The following LAMA4 variants were observed in gnomAD, a reference collection of about 807,000 sequenced individuals.
The protein encoded by LAMA4 is laminin subunit alpha-4.
LAMA4 carries 127 observed loss-of-function variants against 207.1 expected under a neutral mutation model. The ratio of observed to expected loss-of-function variants is 0.61; its 90% CI spans 0.53 to 0.71. The LOEUF (loss-of-function observed/expected upper bound fraction) is 0.71. Among genes scored for constraint, LAMA4 ranks in the 30% least tolerant of loss-of-function variants. The pLI is 0.00. For synonymous variants in LAMA4, 761 were observed against 816.0 expected (o/e 0.93, Z 1.15); for missense variants, 2,093 against 2,246.5 (o/e 0.93, Z 1.38).
At chr6:112,204,495 T>G (rs1554353523) in intron 4 of LAMA4, among the ~76,000 whole-genome samples, 11 of 150,228 alleles carry the variant, frequency 7.3e-5, no homozygotes. Context: ...AAACAAACAC[T>G]GCAGCTCGAC....
intron 13 of LAMA4, among the ~76,000 whole-genome samples, chr6:112,164,505 G>A (rs1487916995): frequency 2.0e-5 from 3 of 152,084 alleles, no homozygotes; most frequent in East Asian, 3.9e-4. Flanking sequence ...TCAGAGAGTC[G>A]GTGACTTCAT....
chr6:112,165,198 G>A lies in LAMA4; in HGVS notation c.1630C>T (p.Pro544Ser). 3.1e-6 allele frequency: 5 copies of A among 1,612,300 alleles called. No homozygotes were observed. The highest frequency in any genetic ancestry group is 4.2e-6 in the Non-Finnish European group (5 of 1,178,324). Residue 544 changes from proline to serine, a missense_variant, in exon 13 of 39, where the codon CCT (proline) becomes TCT (serine). Around this residue, in one of 3 missense-constraint regions of LAMA4, gnomAD observed 1,704 missense variants for 1,788.4 expected, o/e 0.95. Coordinates refer to ENST00000230538, the MANE Select transcript of LAMA4 (RefSeq NM_001105206.3). The part of the protein sequence containing the change: ...LSTSADSLTT[P>S]RLTLSELDDI... ...TCAAGTTCTGAAAGAGTTAGACGAGGTGTTGTCAGAGAGTCCGCAGATGTG... is the reference window on the plus strand; with the variant it reads ...TCAAGTTCTGAAAGAGTTAGACGAGATGTTGTCAGAGAGTCCGCAGATGTG...
At chr6:112,208,550 A>G (rs1554355261) in intron 3 of LAMA4, among the ~76,000 whole-genome samples, 1 of 152,198 alleles carries the variant, frequency 6.6e-6, no homozygotes, top group African/African-American at 2.4e-5. Context: ...CAAAAGTGAG[A>G]TTCAAATTCA....
intron 1 of LAMA4, 67 bp from the exon 2 acceptor site, chr6:112,254,358 T>TCCCCTGCTCCCCCTCTCTCTCC (rs1787713823): frequency 1.6e-6 from 1 of 606,726 alleles, no homozygotes; most frequent in African/African-American, 1.9e-5. Flanking sequence ...TCTCTCTCTC[T>TCCCCTGCTCCCCCTCTCTCTCC]CCCCTTCTCC....
intron 5 of LAMA4, among the ~76,000 whole-genome samples, chr6:112,193,473 T>TAA (rs3216221): frequency 2.4e-4 from 36 of 150,760 alleles, no homozygotes; most frequent in Middle Eastern, 3.4e-3. Flanking sequence ...AACAGATACA[T>TAA]AAAAAAAAAT....
chr6:112,116,501 G>T (rs913639476), intron 35 of LAMA4, among the ~76,000 whole-genome samples: 1 of 152,190 alleles, frequency 6.6e-6, no homozygotes, highest in African/African-American at 2.4e-5. Flanking sequence ...CAGTCACTGA[G>T]CAAGACAGCT....
intron 2 of LAMA4, chr6:112,219,546 C>T (rs782099158): frequency 2.0e-5 from 3 of 152,052 alleles, no homozygotes; most frequent in African/African-American, 7.2e-5. Flanking sequence ...GTGCCATGGC[C>T]TTTTTAAAAA....
At chr6:112,130,097 A>G (rs1778939573) in intron 29 of LAMA4, 57 bp from the exon 30 acceptor site, 1 of 1,454,806 alleles carries the variant, frequency 6.9e-7, no homozygotes. Flanking sequence ...ACCTTGACCC[A>G]CTCTAGGTTG....
chr6:112,253,975 C>T lies in LAMA4; in HGVS notation c.176G>A (p.Arg59His). The change falls in exon 2 of 39, where the codon CGC becomes CAC. Residue 59 changes from arginine to histidine, a missense_variant. Arg to His is a conservative substitution (Grantham distance 29, BLOSUM62 0). Transcript: ENST00000230538. ...ETSEPRVALG[R>H]LPPAAEKCNA... ...CTGTACCTCGGCCGCAGGCGGCAGG[C>T]GTCCCAGAGCCACGCGGGGTTCGCT... 6.3e-7 allele frequency: 1 copy of T among 1,588,274 alleles called. No individual in the cohort carries two copies. Among genetic ancestry groups the T allele is most frequent in the Non-Finnish European group, 8.6e-7 (1 of 1,166,752 alleles).
Position 112,120,338 on chromosome 6 carries a change from T to C in LAMA4, c.4610A>G (p.His1537Arg). The C allele has an allele frequency of 6.8e-6, 11 of 1,614,040 alleles. No individual in the cohort carries two copies. The highest frequency in any genetic ancestry group is 9.3e-6 in the Non-Finnish European group (11 of 1,179,986). ...GRLVYMFNVG[H>R]KKLKIRSQEK... ...CTGGCTTCTAATCTTCAGTTTTTTG[T>C]GACCAACATTAAACATGTAAACCAA... is the stretch of plus-strand genomic sequence containing the variant. The change falls in exon 33 of 39, where the codon CAC becomes CGC. Residue 1537 changes from histidine to arginine, a missense_variant. By Grantham distance (29) the His-to-Arg change is conservative (BLOSUM62 0). Transcript: ENST00000230538.
intron 2 of LAMA4, among the ~76,000 whole-genome samples, chr6:112,242,731 T>G (rs1015702755): frequency 1.4e-4 from 21 of 152,298 alleles, no homozygotes; most frequent in African/African-American, 4.1e-4. Flanking sequence ...CCAACAATTC[T>G]GACTTCGAGA....
chr6:112,214,190 C>A, intron 3 of LAMA4: 2 of 436,910 alleles, frequency 4.6e-6, no homozygotes, highest in Admixed American at 3.9e-5. Flanking sequence ...CATGTGCAAG[C>A]ATTTTCTGCC....
intron 11 of LAMA4, among the ~76,000 whole-genome samples, chr6:112,173,869 T>G (rs1299706771): frequency 6.6e-6 from 1 of 152,220 alleles, no homozygotes; most frequent in African/African-American, 2.4e-5. Flanking sequence ...TCTTAGAGTG[T>G]GTTCTAAAAT....
At chr6:112,180,339 G>A (rs1396922386) in intron 9 of LAMA4, among the ~76,000 whole-genome samples, 1 of 152,164 alleles carries the variant, frequency 6.6e-6, no homozygotes, top group Non-Finnish European at 1.5e-5. Context: ...TTGATATACT[G>A]TATATATGAC....
intron 2 of LAMA4, among the ~76,000 whole-genome samples, chr6:112,250,565 T>G (rs1281654845): frequency 2.6e-5 from 4 of 152,200 alleles, no homozygotes; most frequent in Non-Finnish European, 5.9e-5. Context: ...GGCAACTCAT[T>G]GACAACTCAA....
intron 20 of LAMA4, among the ~76,000 whole-genome samples, 196 bp from the exon 21 acceptor site, chr6:112,141,699 G>A (rs1779706599): frequency 6.6e-6 from 1 of 152,106 alleles, no homozygotes; most frequent in Admixed American, 6.6e-5. Flanking sequence ...AGAGTCTGCT[G>A]GCCCCATCTT....
At chr6:112,200,747 C>T (rs1441913649) in intron 5 of LAMA4, among the ~76,000 whole-genome samples, 9 of 152,068 alleles carry the variant, frequency 5.9e-5, no homozygotes, top group African/African-American at 2.2e-4. Flanking sequence ...ATGGATGAAG[C>T]TGGAAACCGT....
Position 112,109,316 on chromosome 6 carries a change from G to T in LAMA4, c.*121C>A. On this transcript the variant is annotated 3_prime_UTR_variant, in exon 39 of 39. Coordinates refer to ENST00000230538, the MANE Select transcript of LAMA4 (RefSeq NM_001105206.3). ...ATCCGGTCCCTGATGATTCGTTTAA[G>T]TCCTGTTCAACTCGATGAAAGCTTC... 9.5e-7 allele frequency: 1 copy of T among 1,049,916 alleles called. No homozygotes were observed. The highest frequency in any genetic ancestry group is 1.4e-6 in the Non-Finnish European group (1 of 693,168). 65.0% of individuals were successfully genotyped at this position (1,049,916 alleles called of 1,614,324 possible). A position where few individuals can be genotyped will look rare whatever the true frequency, so the allele number is the denominator to read the frequency against.
chr6:112,242,877 A>C (rs1554187940), intron 2 of LAMA4, among the ~76,000 whole-genome samples: 1 of 152,206 alleles, frequency 6.6e-6, no homozygotes, highest in Non-Finnish European at 1.5e-5. Context: ...ATAATGATTA[A>C]TAATCTGTCA....
Sources: gnomAD v4.1 joint callset for allele counts (sites outside exome capture counted in the v4.1 genomes callset) on GRCh38, gnomAD v4.1.1 for gene constraint, gnomAD v4.1.1 regional missense constraint, MANE v1.5 for transcripts, NCBI Gene and HGNC (gene_info 2026-07-23, HGNC 2026-07-21) for gene names.